Variants in DUSP16 observed in about 807,000 individuals in gnomAD.
DUSP16 encodes the protein dual specificity phosphatase 16.
DUSP16 carries 21 observed loss-of-function variants against 58.3 expected under a neutral mutation model. That is an observed-to-expected ratio of 0.36 (90% CI 0.26 to 0.52). DUSP16 has a LOEUF of 0.52. Among genes scored for constraint, DUSP16 ranks in the 20% least tolerant of loss-of-function variants. The pLI, the probability that DUSP16 is intolerant of heterozygous loss-of-function variation, is 0.94. For missense variants in DUSP16, 726 were observed against 819.0 expected (o/e 0.89, Z 1.39); for synonymous variants, 320 against 323.8 (o/e 0.99, Z 0.12).
intron 3 of DUSP16, among the ~76,000 whole-genome samples, chr12:12,516,210 G>A (rs1044469558): frequency 6.6e-6 from 1 of 151,964 alleles, no homozygotes; most frequent in African/African-American, 2.4e-5. Flanking sequence ...TGCAATCACA[G>A]CTCACTGTAA....
At chr12:12,540,944 CTTTTCTTTTTTT>C (rs1283015085) in intron 1 of DUSP16, among the ~76,000 whole-genome samples, 18 of 100,644 alleles carry the variant, frequency 1.8e-4, no homozygotes, top group East Asian at 3.2e-4. Context: ...CTTTTCTTTT[CTTTTCTTTTTTT>C]TTTTTTTTTT....
intron 2 of DUSP16, 58 bp from the exon 3 acceptor site, chr12:12,520,058 C>T (rs1944209666): frequency 1.3e-6 from 2 of 1,575,404 alleles, no homozygotes; most frequent in Non-Finnish European, 1.7e-6. Context: ...TCTCAAACTA[C>T]TGCTTAAGAT....
At position 12,477,244 on chromosome 12, in the gene DUSP16, C is replaced by G. The variant is rs758939939; in HGVS notation, c.1587G>C (p.Thr529=). The G allele has an allele frequency of 1.9e-6, 3 of 1,614,064 alleles. No homozygotes were observed. Among genetic ancestry groups the G allele is most frequent in the Non-Finnish European group, 2.5e-6 (3 of 1,180,052 alleles). Residue 529 remains threonine (T), a synonymous_variant, in exon 7 of 7, where the codon ACG becomes ACC. Transcript: ENST00000298573. This position sits in a 1 kb window ranked among gnomAD's most constrained non-coding sequence, Gnocchi z 4.1. ...CCTTAAGGCCCAGGCCAGCAGACTT[C>G]GTGAGGTGCTGCTGGCTGGTGGAAA... ...FGLSTSQQHL[T]KSAGLGLKGW...
intron 1 of DUSP16, among the ~76,000 whole-genome samples, chr12:12,540,528 G>A (rs1944536040): frequency 6.6e-6 from 1 of 152,146 alleles, no homozygotes; most frequent in African/African-American, 2.4e-5. Flanking sequence ...TACTGTGCAA[G>A]GCTTTTTGCT....
intron 1 of DUSP16, among the ~76,000 whole-genome samples, chr12:12,550,288 A>C (rs1289313865): frequency 3.3e-5 from 5 of 151,546 alleles, no homozygotes; most frequent in African/African-American, 9.7e-5. Context: ...AAAAAAAAAA[A>C]ATGTGTATCA....
chr12:12,543,393 C>A (rs754009276), intron 1 of DUSP16, among the ~76,000 whole-genome samples: 3 of 151,982 alleles, frequency 2.0e-5, no homozygotes, highest in Non-Finnish European at 4.4e-5. Flanking sequence ...GCAAAGGGGG[C>A]AAACTGGTAA....
intron 5 of DUSP16, among the ~76,000 whole-genome samples, chr12:12,481,997 T>C (rs560619767): frequency 6.6e-6 from 1 of 152,242 alleles, no homozygotes; most frequent in Non-Finnish European, 1.5e-5. Context: ...TATTGCTCCT[T>C]TATACCATTA....
chr12:12,556,375 A>G (rs1467310767), intron 1 of DUSP16, among the ~76,000 whole-genome samples: 1 of 152,074 alleles, frequency 6.6e-6, no homozygotes, highest in African/African-American at 2.4e-5. Flanking sequence ...CTGGGCAACA[A>G]AGTGAGACCC....
chr12:12,478,539 T>C (rs1943502996), intron 6 of DUSP16, among the ~76,000 whole-genome samples: 1 of 152,172 alleles, frequency 6.6e-6, no homozygotes, highest in African/African-American at 2.4e-5. Context: ...TCTCACTGTG[T>C]TGCCCAGGCT....
rs1454133296 is a variant in DUSP16 at position 12,562,146 on chromosome 12, C to G, written c.-395G>C. The G allele has an allele frequency of 6.6e-6, 1 of 151,916 alleles. No homozygotes were observed. Among genetic ancestry groups the G allele is most frequent in the Non-Finnish European group, 1.5e-5 (1 of 67,922 alleles). 9.4% of individuals were successfully genotyped at this position (151,916 alleles called of 1,614,324 possible). On this transcript the variant is annotated 5_prime_UTR_variant, in exon 1 of 7. Coordinates refer to ENST00000298573, the MANE Select transcript of DUSP16 (RefSeq NM_030640.3). ...GGGGCCGCCGACCTCCCAATTCCCT[C>G]AGAGGGAAACGAAAGTTGTCACGGC...
chr12:12,529,525 T>C (rs1209686735), intron 1 of DUSP16, among the ~76,000 whole-genome samples: 1 of 152,254 alleles, frequency 6.6e-6, no homozygotes, highest in East Asian at 1.9e-4. Flanking sequence ...TTACCACACA[T>C]AGCCATCATT....
intron 3 of DUSP16, among the ~76,000 whole-genome samples, chr12:12,502,550 A>ATTT (rs58116968): frequency 1.5e-5 from 2 of 130,900 alleles, no homozygotes; most frequent in Non-Finnish European, 3.3e-5. Flanking sequence ...TCATGGTTTC[A>ATTT]TTTTTTTTTT....
intron 4 of DUSP16, among the ~76,000 whole-genome samples, chr12:12,496,643 T>C (rs1943831948): frequency 6.6e-6 from 1 of 152,246 alleles, no homozygotes; most frequent in Admixed American, 6.5e-5. Context: ...AACAAAAGTC[T>C]GCATTTGAAA....
chr12:12,518,170 T>C (rs10845572), intron 3 of DUSP16, among the ~76,000 whole-genome samples: 82,909 of 152,066 alleles, frequency 0.55, 22,964 homozygotes, highest in East Asian at 0.71. Flanking sequence ...AACAAGAACA[T>C]GGTGGGATAA....
At chr12:12,534,477 C>T (rs763091572) in intron 1 of DUSP16, among the ~76,000 whole-genome samples, 41 of 152,190 alleles carry the variant, frequency 2.7e-4, no homozygotes, top group Admixed American at 1.3e-4. Context: ...ATTTTTTCCA[C>T]TTTGTCCTTT....
intron 4 of DUSP16, among the ~76,000 whole-genome samples, chr12:12,494,343 T>C (rs1943800386): frequency 6.6e-6 from 1 of 152,192 alleles, no homozygotes; most frequent in Non-Finnish European, 1.5e-5. Context: ...AATTAGGATA[T>C]AACTATTTAT....
intron 4 of DUSP16, among the ~76,000 whole-genome samples, chr12:12,498,698 G>A (rs938954564): frequency 2.0e-5 from 3 of 152,100 alleles, no homozygotes; most frequent in Non-Finnish European, 4.4e-5. Context: ...TCCAAAGTGT[G>A]TGAGCCACAA....
chr12:12,482,564 G>A (rs1389025314), intron 5 of DUSP16, among the ~76,000 whole-genome samples: 1 of 152,324 alleles, frequency 6.6e-6, no homozygotes, highest in East Asian at 1.9e-4. Context: ...GAGAGGAGAA[G>A]GGAAATGTGT....
intron 1 of DUSP16, among the ~76,000 whole-genome samples, chr12:12,529,022 A>G (rs1944345367): frequency 6.6e-6 from 1 of 152,146 alleles, no homozygotes; most frequent in Admixed American, 6.5e-5. Context: ...TTGGGCAAAT[A>G]CCAATAAAAG....
Sources: allele counts gnomAD v4.1 joint callset (sites outside exome capture counted in the v4.1 genomes callset), GRCh38; gene constraint gnomAD v4.1.1; non-coding constraint Gnocchi (gnomAD v3.1); transcripts MANE v1.5; gene names NCBI Gene and HGNC (gene_info 2026-07-23, HGNC 2026-07-21).